The following HUNK variants were observed in gnomAD, a reference collection of about 807,000 sequenced individuals.
The protein encoded by HUNK is hormonally up-regulated neu tumor-associated kinase.
In HUNK, 21 loss-of-function variants were observed where a neutral mutation model predicts 61.0. That is an observed-to-expected ratio of 0.34 (90% CI 0.24 to 0.50). The LOEUF is 0.50. Among genes scored for constraint, HUNK ranks in the 20% least tolerant of loss-of-function variants. HUNK has a pLI of 0.98. For synonymous variants in HUNK, 371 were observed against 386.1 expected (o/e 0.96, Z 0.46); for missense variants, 772 against 945.7 (o/e 0.82, Z 2.41).
chr21:31,879,589 G>A (rs1211978884), intron 1 of HUNK, among the ~76,000 whole-genome samples: 1 of 152,158 alleles, frequency 6.6e-6, no homozygotes, highest in African/African-American at 2.4e-5. Context: ...TTCTCTGCAG[G>A]TGTTGAGTCA....
chr21:31,896,936 C>G (rs7276440), intron 1 of HUNK, among the ~76,000 whole-genome samples: 1 of 152,186 alleles, frequency 6.6e-6, no homozygotes, highest in Non-Finnish European at 1.5e-5. Context: ...GCTACCATAA[C>G]AAAGTACTAT....
Position 31,999,205 on chromosome 21 carries a change from G to C in HUNK, c.*21G>C. The C allele has an allele frequency of 6.4e-7, 1 of 1,572,890 alleles. No homozygotes were observed. The highest frequency in any genetic ancestry group is 8.6e-7 in the Non-Finnish European group (1 of 1,160,184). ...GCTAACTTGGGCCAGCGGGGTTTGG[G>C]GTATCTCTAGAAAACAGCAACTGAA... On this transcript the variant is annotated 3_prime_UTR_variant, in exon 11 of 11. Coordinates refer to ENST00000270112, the MANE Select transcript of HUNK (RefSeq NM_014586.2).
chr21:31,916,308 C>T (rs1477694399), intron 1 of HUNK, among the ~76,000 whole-genome samples: 2 of 151,912 alleles, frequency 1.3e-5, no homozygotes, highest in African/African-American at 2.4e-5. Context: ...CCTCGGCCTC[C>T]CAAAGTGCTG....
chr21:31,924,309 A>G lies in HUNK; in HGVS notation c.262-159A>G, dbSNP rs578160731. Among the ~76,000 whole-genome samples, 3 of 151,998 alleles carry G rather than the reference A, an allele frequency of 2.0e-5. No homozygotes were observed. Among genetic ancestry groups the G allele is most frequent in the South Asian group, 4.2e-4 (2 of 4,818 alleles). The stretch of plus-strand genomic sequence containing the variant: ...GTTTGTGTGGTATATGCATAAATAT[A>G]AATGTGTATATATATATTTTCTGTT... On this transcript the variant is annotated intron_variant, in intron 1 of 10. Transcript: ENST00000270112. The surrounding 1 kb of genome is among the most constrained non-coding windows in gnomAD (Gnocchi z 5.1).
At chr21:31,968,753 T>TGAGA (rs113502322) in intron 6 of HUNK, among the ~76,000 whole-genome samples, 4 of 115,526 alleles carry the variant, frequency 3.5e-5, no homozygotes, top group South Asian at 2.5e-4. Flanking sequence ...TGTGTGTGTG[T>TGAGA]GAGAGAGAGA....
chr21:31,890,293 G>C (rs762653413), intron 1 of HUNK, among the ~76,000 whole-genome samples: 3 of 151,510 alleles, frequency 2.0e-5, no homozygotes, highest in African/African-American at 7.3e-5. Flanking sequence ...CAACGGCACA[G>C]TCTCGGCTCG....
chr21:31,947,425 A>G (rs1490274297), intron 4 of HUNK, among the ~76,000 whole-genome samples: 1 of 152,150 alleles, frequency 6.6e-6, no homozygotes, highest in African/African-American at 2.4e-5. Context: ...GTCACTGCCG[A>G]GATCATTTCT....
At chr21:31,895,726 T>G (rs2052420269) in intron 1 of HUNK, among the ~76,000 whole-genome samples, 1 of 152,216 alleles carries the variant, frequency 6.6e-6, no homozygotes, top group Admixed American at 6.5e-5. Context: ...AAAGGGCCAG[T>G]GAGCTGCTGT....
At chr21:31,939,895 G>A (rs1401833186) in intron 2 of HUNK, among the ~76,000 whole-genome samples, 1 of 151,810 alleles carries the variant, frequency 6.6e-6, no homozygotes, top group Non-Finnish European at 1.5e-5. Flanking sequence ...TCCAGTTTAG[G>A]TCTTGCTTTT....
intron 1 of HUNK, among the ~76,000 whole-genome samples, chr21:31,900,447 A>ACACACACACG (rs1491107035): frequency 2.6e-4 from 4 of 15,464 alleles, no homozygotes; most frequent in African/African-American, 1.5e-3. Context: ...AGTTACTGAA[A>ACACACACACG]CACACACACA....
chr21:31,990,799 G>T (rs928928246), intron 9 of HUNK, among the ~76,000 whole-genome samples: 1 of 152,080 alleles, frequency 6.6e-6, no homozygotes, highest in Admixed American at 6.6e-5. Flanking sequence ...GCCTCCCAAA[G>T]TGCTAGGATT....
Position 31,992,575 on chromosome 21 carries a change from G to A in HUNK, c.1305+2399G>A, listed in dbSNP as rs574715440. Among the ~76,000 whole-genome samples the A allele has an allele frequency of 5.5e-4, 83 of 152,282 alleles. 1 individual carries two copies. Among genetic ancestry groups the A allele is most frequent in the Non-Finnish European group, 1.2e-3 (79 of 68,026 alleles). On this transcript the variant is annotated intron_variant, in intron 9 of 10. Transcript: ENST00000270112. ...TCGAACCGAGAGCTTGAATTCCATC[G>A]CCCACCCTCAAGTCTATGTGGGTGC...
intron 10 of HUNK, among the ~76,000 whole-genome samples, chr21:31,996,830 A>G (rs539445519): frequency 6.6e-6 from 1 of 152,284 alleles, no homozygotes; most frequent in Admixed American, 6.5e-5. Context: ...TCTATCTCCC[A>G]TGCTGCTCCC....
At chr21:31,906,325 A>G (rs74775179) in intron 1 of HUNK, among the ~76,000 whole-genome samples, 1,941 of 152,256 alleles carry the variant, frequency 0.013, 40 homozygotes, top group African/African-American at 0.044. Context: ...GGCATGATTT[A>G]ATTCTCATTA....
intron 10 of HUNK, among the ~76,000 whole-genome samples, chr21:31,996,910 C>T (rs368674605): frequency 5.3e-5 from 8 of 152,158 alleles, no homozygotes; most frequent in South Asian, 2.1e-4. Context: ...TGCAGTGGAT[C>T]GGGGAGGGGC....
intron 5 of HUNK, among the ~76,000 whole-genome samples, chr21:31,964,201 CG>C (rs1452774696): frequency 3.9e-5 from 6 of 152,170 alleles, no homozygotes; most frequent in African/African-American, 7.2e-5. Context: ...GGAGGAGAAG[CG>C]TTAGCTTTTA....
In HUNK at chr21:31,955,859, T is replaced by G. The variant is rs2123838968; in HGVS notation, c.747-2984T>G. 2.0e-5 allele frequency among the ~76,000 whole-genome samples: 3 copies of G among 152,364 alleles called. No individual in the cohort carries two copies. In the South Asian group the frequency reaches 6.2e-4, roughly 32 times the overall value. On this transcript the variant is annotated intron_variant, in intron 4 of 10. Coordinates refer to ENST00000270112, the MANE Select transcript of HUNK (RefSeq NM_014586.2). Reference sequence around the variant, plus strand: ...TTGTATAAGTAGCAGGCTCTTCAGCTTTAGGTGTGAATGTTAGAGCCAAGA... The same window carrying G: ...TTGTATAAGTAGCAGGCTCTTCAGCGTTAGGTGTGAATGTTAGAGCCAAGA...
intron 1 of HUNK, among the ~76,000 whole-genome samples, chr21:31,889,701 G>T (rs1042782887): frequency 6.6e-6 from 1 of 152,154 alleles, no homozygotes; most frequent in East Asian, 1.9e-4. Flanking sequence ...AATAAAACTT[G>T]AATTTCTCTC....
chr21:31,932,237 C>T (rs1203656267), intron 2 of HUNK, among the ~76,000 whole-genome samples: 2 of 152,230 alleles, frequency 1.3e-5, no homozygotes. Flanking sequence ...TCCTGTCTGC[C>T]TCTTTGCTCC....
Sources: allele counts gnomAD v4.1 joint callset (sites outside exome capture counted in the v4.1 genomes callset), GRCh38; gene constraint gnomAD v4.1.1; non-coding constraint Gnocchi (gnomAD v3.1); transcripts MANE v1.5; gene names NCBI Gene and HGNC (gene_info 2026-07-23, HGNC 2026-07-21).